The following CSMD1 variants were observed in gnomAD, a reference collection of about 807,000 sequenced individuals.
CSMD1 encodes the protein CUB and Sushi multiple domains 1, also known as CUB and sushi domain-containing protein 1.
In CSMD1, 213 loss-of-function variants were observed where a neutral mutation model predicts 417.5. That is an observed-to-expected ratio of 0.51 (90% CI 0.46 to 0.57). The LOEUF (loss-of-function observed/expected upper bound fraction) is 0.57. Ranked by LOEUF, CSMD1 falls within the 20% of genes least tolerant of loss-of-function variation. CSMD1 has a pLI of 0.00. For missense variants in CSMD1, 6,923 were observed against 4,529.7 expected, an observed-to-expected ratio of 1.53 and a Z score of -15.17; for synonymous variants, 2,862 against 1,736.8, an observed-to-expected ratio of 1.65 and a Z score of -16.11.
At chr8:3,591,225 G>A (rs1167649743) in intron 8 of CSMD1, among the ~76,000 whole-genome samples, 1 of 152,112 alleles carries the variant, frequency 6.6e-6, no homozygotes, top group African/African-American at 2.4e-5. Context: ...AAACAAAGCA[G>A]CAAAATTTTG....
intron 2 of CSMD1, among the ~76,000 whole-genome samples, chr8:4,565,235 G>C (rs773824074): frequency 3.3e-5 from 5 of 152,116 alleles, no homozygotes; most frequent in Non-Finnish European, 5.9e-5. Context: ...AGGGAAATTG[G>C]ATTAAGAATG....
At chr8:3,681,989 T>C (rs574192729) in intron 7 of CSMD1, among the ~76,000 whole-genome samples, 43 of 152,312 alleles carry the variant, frequency 2.8e-4, no homozygotes, top group African/African-American at 7.2e-5. Context: ...GCTAGCCATA[T>C]GTAGAAAGGT....
chr8:4,396,320 A>T (rs1331991950), intron 3 of CSMD1, among the ~76,000 whole-genome samples: 1 of 148,998 alleles, frequency 6.7e-6, no homozygotes, highest in African/African-American at 2.5e-5. Context: ...AAAAAAAAAT[A>T]GCCAGGCATG....
At chr8:4,215,550 C>A (rs960996380) in intron 3 of CSMD1, among the ~76,000 whole-genome samples, 2 of 151,442 alleles carry the variant, frequency 1.3e-5, no homozygotes, top group Non-Finnish European at 2.9e-5. Context: ...TTACATTGTT[C>A]TGATAATCAT....
chr8:4,317,857 C>T (rs755182958), intron 3 of CSMD1, among the ~76,000 whole-genome samples: 143 of 152,108 alleles, frequency 9.4e-4, no homozygotes, highest in East Asian at 3.9e-4. Context: ...CAAGTTAAAC[C>T]GAATTTTGGC....
chr8:4,852,984 T>C (rs1801573083), intron 1 of CSMD1, among the ~76,000 whole-genome samples: 1 of 152,156 alleles, frequency 6.6e-6, no homozygotes, highest in South Asian at 2.1e-4. Context: ...TGGCTGCTTA[T>C]AACAGTCTAC....
intron 3 of CSMD1, among the ~76,000 whole-genome samples, chr8:4,376,235 C>G (rs1451130716): frequency 6.6e-6 from 1 of 152,100 alleles, no homozygotes. Context: ...TGACGTTTTC[C>G]TATTTGACAA....
At chr8:4,286,550 T>C (rs773248873) in intron 3 of CSMD1, among the ~76,000 whole-genome samples, 1 of 152,070 alleles carries the variant, frequency 6.6e-6, no homozygotes, top group Non-Finnish European at 1.5e-5. Context: ...ATTAAGAACA[T>C]GGGCATGATC....
chr8:3,429,630 T>C (rs1298991554), intron 12 of CSMD1, among the ~76,000 whole-genome samples: 1 of 152,126 alleles, frequency 6.6e-6, no homozygotes, highest in Non-Finnish European at 1.5e-5. Context: ...AAAACAAGGG[T>C]TGATGTTTAT....
chr8:3,835,741 T>G (rs999589095), intron 5 of CSMD1, among the ~76,000 whole-genome samples: 9 of 151,394 alleles, frequency 5.9e-5, no homozygotes, highest in African/African-American at 2.2e-4. Flanking sequence ...AAAAAGAAAT[T>G]TGGATGGCTC....
At chr8:4,983,837 A>G (rs1183253596) in intron 1 of CSMD1, among the ~76,000 whole-genome samples, 2 of 69,906 alleles carry the variant, frequency 2.9e-5, no homozygotes, top group African/African-American at 2.7e-4. Context: ...GGTGATCAAC[A>G]TATGATAGAA....
At chr8:3,623,071 TTC>T in intron 7 of CSMD1, among the ~76,000 whole-genome samples, 1 of 152,222 alleles carries the variant, frequency 6.6e-6, no homozygotes, top group Admixed American at 6.5e-5. Flanking sequence ...AATAGATTGG[TTC>T]ATTACACACC....
chr8:4,002,197 G>C (rs1300908461), intron 4 of CSMD1, among the ~76,000 whole-genome samples: 1 of 151,528 alleles, frequency 6.6e-6, no homozygotes. Context: ...TAGTGTTGGT[G>C]CCTGTGAGTG....
At chr8:4,524,569 CTTTTT>C (rs35453060) in intron 2 of CSMD1, among the ~76,000 whole-genome samples, 1 of 117,950 alleles carries the variant, frequency 8.5e-6, no homozygotes, top group Non-Finnish European at 1.7e-5. Flanking sequence ...CACACTTGGT[CTTTTT>C]TTTTTTTTTT....
At chr8:3,669,045 C>G (rs915710992) in intron 7 of CSMD1, among the ~76,000 whole-genome samples, 1 of 152,084 alleles carries the variant, frequency 6.6e-6, no homozygotes, top group African/African-American at 2.4e-5. Context: ...TTTACCTTAA[C>G]CTGTCTTCAA....
chr8:3,821,801 C>G (rs924967154), intron 5 of CSMD1, among the ~76,000 whole-genome samples: 1 of 151,918 alleles, frequency 6.6e-6, no homozygotes, highest in Non-Finnish European at 1.5e-5. Flanking sequence ...AACAAGCAAA[C>G]AAACAAACAA....
Position 4,994,602 on chromosome 8 carries a change from G to A in CSMD1, c.-186C>T. On this transcript the variant is annotated 5_prime_UTR_variant, in exon 1 of 70. Coordinates refer to ENST00000635120, the MANE Select transcript of CSMD1 (RefSeq NM_033225.6). ...CGGCTCGCTTCCCTCTCATAGCATC[G>A]GGTCCCGAGCCACTGCAGGGCTGAG... 3.3e-6 allele frequency: 2 copies of A among 604,876 alleles called. No homozygotes were observed. The highest frequency in any genetic ancestry group is 1.9e-5 in the South Asian group (1 of 52,626). 37.5% of individuals were successfully genotyped at this position (604,876 alleles called of 1,614,324 possible). A position where few individuals can be genotyped will look rare whatever the true frequency, so the allele number is the denominator to read the frequency against.
chr8:3,981,355 A>G (rs1242268249), intron 5 of CSMD1, among the ~76,000 whole-genome samples: 11 of 152,096 alleles, frequency 7.2e-5, no homozygotes, highest in Non-Finnish European at 1.3e-4. Context: ...GAAGAGTGGA[A>G]GGGGGGTGAA....
Position 4,994,735 on chromosome 8 carries a change from G to T in CSMD1, c.-319C>A. ...CGGCGAGGCTGCGGGAGGGGGAGAAGCGGGGAGAGGAGCGCGCGCAGCCAG... is the reference window on the plus strand; with the variant it reads ...CGGCGAGGCTGCGGGAGGGGGAGAATCGGGGAGAGGAGCGCGCGCAGCCAG... On this transcript the variant is annotated 5_prime_UTR_variant, in exon 1 of 70. Transcript: ENST00000635120. The T allele has an allele frequency of 3.1e-6, 1 of 324,132 alleles. No individual in the cohort carries two copies. The highest frequency in any genetic ancestry group is 5.7e-6 in the Non-Finnish European group (1 of 176,288). 20.1% of individuals were successfully genotyped at this position (324,132 alleles called of 1,614,324 possible).
Sources: allele counts gnomAD v4.1 joint callset (sites outside exome capture counted in the v4.1 genomes callset), GRCh38; gene constraint gnomAD v4.1.1; transcripts MANE v1.5; gene names NCBI Gene and HGNC (gene_info 2026-07-23, HGNC 2026-07-21).